SLC25A42: variants seen among roughly 807,000 people sequenced by gnomAD.
SLC25A42 encodes the protein solute carrier family 25 member 42.
In SLC25A42, 19 loss-of-function variants were observed where a neutral mutation model predicts 34.7. The observed-to-expected ratio is 0.55, with a 90% CI of 0.38 to 0.80. The LOEUF (loss-of-function observed/expected upper bound fraction) is 0.80, where lower values mean the gene tolerates loss of function less well. Among genes scored for constraint, SLC25A42 ranks in the 30% least tolerant of loss-of-function variants. The pLI is 0.00. For synonymous variants in SLC25A42, 205 were observed against 191.2 expected, an observed-to-expected ratio of 1.07 and a Z score of -0.59; for missense variants, 364 against 441.3, an observed-to-expected ratio of 0.82 and a Z score of 1.57.
chr19:19,111,526 C>G lies in SLC25A42; in HGVS notation c.*650C>G, dbSNP rs2059865124. 1 of 153,210 alleles carries G rather than the reference C, an allele frequency of 6.5e-6. No individual in the cohort carries two copies. The highest frequency in any genetic ancestry group is 2.4e-5 in the African/African-American group (1 of 41,470). 9.5% of individuals were successfully genotyped at this position (153,210 alleles called of 1,614,324 possible). On this transcript the variant is annotated 3_prime_UTR_variant, in exon 8 of 8. Coordinates refer to ENST00000318596, the MANE Select transcript of SLC25A42 (RefSeq NM_178526.5). Reference sequence around the variant, plus strand: ...TGTCTATCCTAGACCCTGCAAGCAGCTGGGTCCCCAAGAGTGCATCTCCCC... The same window carrying G: ...TGTCTATCCTAGACCCTGCAAGCAGGTGGGTCCCCAAGAGTGCATCTCCCC...
chr19:19,102,612 C>T (rs1395000009), intron 3 of SLC25A42, among the ~76,000 whole-genome samples: 2 of 151,910 alleles, frequency 1.3e-5, no homozygotes, highest in Non-Finnish European at 2.9e-5. Context: ...GACATGGTGG[C>T]GGGCACCTGC....
At chr19:19,089,877 A>AAAACAAAAACAC (rs908735010) in intron 1 of SLC25A42, among the ~76,000 whole-genome samples, 2 of 152,130 alleles carry the variant, frequency 1.3e-5, no homozygotes, top group Non-Finnish European at 2.9e-5. Flanking sequence ...TCAAAAAACA[A>AAAACAAAAACAC]AAACAAAAAA....
intron 2 of SLC25A42, 49 bp downstream of exon 2, chr19:19,096,254 T>TGGGGGCCCCCCCCCCC: frequency 2.1e-6 from 3 of 1,456,702 alleles, no homozygotes; most frequent in Non-Finnish European, 1.9e-6. Flanking sequence ...GGCCCCAGCC[T>TGGGGGCCCCCCCCCCC]CCCCACCCCC....
In SLC25A42 at chr19:19,110,550, C is replaced by G; in HGVS notation, c.650-19C>G. The stretch of plus-strand genomic sequence containing the variant: ...CCCCTCGCGGCGCCTTCACGGCCCT[C>G]CCGCCCCTCGCCCTGCAGAGTACAG... On this transcript the variant is annotated intron_variant, in intron 7 of 7. Transcript: ENST00000318596. The G allele has an allele frequency of 1.4e-6, 2 of 1,382,210 alleles. No homozygotes were observed. The highest frequency in any genetic ancestry group is 3.3e-5 in the South Asian group (2 of 61,356). The allele number at this position is 1,382,210 out of a possible 1,614,324, so 85.6% of individuals were successfully genotyped here. A position where few individuals can be genotyped will look rare whatever the true frequency, so the allele number is the denominator to read the frequency against.
intron 2 of SLC25A42, 49 bp downstream of exon 2, chr19:19,096,254 T>TGGGGCCCCCCCCCCCCCCCCCCCC: frequency 6.9e-7 from 1 of 1,456,700 alleles, no homozygotes. Context: ...GGCCCCAGCC[T>TGGGGCCCCCCCCCCCCCCCCCCCC]CCCCACCCCC....
chr19:19,110,661 G>T lies in SLC25A42; in HGVS notation c.742G>T (p.Asp248Tyr). The change falls in exon 8 of 8, where the codon GAT (aspartate) becomes TAT (tyrosine). Residue 248 changes from aspartate (D) to tyrosine (Y), a missense_variant. By Grantham distance (160) the Asp-to-Tyr change is radical. Coordinates refer to ENST00000318596, the MANE Select transcript of SLC25A42 (RefSeq NM_178526.5). ...LIGQSASYPLDVVRRRMQTAG... is the reference protein window; with the variant it reads ...LIGQSASYPLYVVRRRMQTAG... Reference sequence around the variant, plus strand: ...CGGGCAGTCGGCCTCGTACCCGCTGGATGTGGTGCGGCGGCGCATGCAGAC... The same window carrying T: ...CGGGCAGTCGGCCTCGTACCCGCTGTATGTGGTGCGGCGGCGCATGCAGAC... 6.4e-7 allele frequency: 1 copy of T among 1,559,574 alleles called. No homozygotes were observed.
intron 2 of SLC25A42, among the ~76,000 whole-genome samples, chr19:19,099,531 G>A (rs2059783443): frequency 6.6e-6 from 1 of 152,092 alleles, no homozygotes. Context: ...CAGGCCAAGT[G>A]TGTGGACAGA....
intron 1 of SLC25A42, among the ~76,000 whole-genome samples, chr19:19,073,435 G>C (rs935964697): frequency 4.6e-5 from 7 of 152,226 alleles, no homozygotes; most frequent in African/African-American, 1.7e-4. Flanking sequence ...GAAGGATGCA[G>C]AGAAGTTTGC....
chr19:19,065,061 C>G (rs2059594266), intron 1 of SLC25A42, among the ~76,000 whole-genome samples: 1 of 152,162 alleles, frequency 6.6e-6, no homozygotes, highest in South Asian at 2.1e-4. Flanking sequence ...GGACCCACCG[C>G]GTTTGGGCCC....
chr19:19,082,351 C>T (rs766348394), intron 1 of SLC25A42, among the ~76,000 whole-genome samples: 7 of 152,254 alleles, frequency 4.6e-5, no homozygotes, highest in African/African-American at 1.4e-4. Context: ...AGTTCTCCTG[C>T]GTCTATCTTT....
rs200500398 is a variant in SLC25A42, at chr19:19,105,593, C to T, written c.246C>T (p.Leu82=). 7 of 1,614,024 alleles carry T rather than the reference C, an allele frequency of 4.3e-6. No individual in the cohort carries two copies. The East Asian group carries it at 1.3e-4, about 31-fold the overall frequency. The stretch of plus-strand genomic sequence containing the variant: ...TCCGGGTCCTCTACTACACCTACCT[C>T]AACGAGGGATTTCTCAGCTTGTGGC... The part of the protein sequence containing the change: ...EAFRVLYYTY[L]NEGFLSLWRG... The change falls in exon 5 of 8, where the codon CTC becomes CTT. Residue 82 remains leucine (L), a synonymous_variant. Transcript: ENST00000318596.
At chr19:19,070,151 G>A (rs1307755367) in intron 1 of SLC25A42, among the ~76,000 whole-genome samples, 2 of 149,654 alleles carry the variant, frequency 1.3e-5, no homozygotes, top group African/African-American at 4.9e-5. Context: ...CCGCCACCAC[G>A]CCCGGCTAAT....
intron 1 of SLC25A42, among the ~76,000 whole-genome samples, chr19:19,078,666 A>C (rs778607360): frequency 6.6e-6 from 1 of 152,166 alleles, no homozygotes; most frequent in Non-Finnish European, 1.5e-5. Flanking sequence ...CCTAGTAGGG[A>C]GGGAAGGATC....
In SLC25A42 at chr19:19,096,112, G is replaced by A. The variant is rs745805357; in HGVS notation, c.-13G>A. Reference sequence around the variant, plus strand: ...CCAGGACCGAGTCTCCTGCCATTCCGAGCAGGCCTGGTATGGGTAATGGTG... The same window carrying A: ...CCAGGACCGAGTCTCCTGCCATTCCAAGCAGGCCTGGTATGGGTAATGGTG... On this transcript the variant is annotated 5_prime_UTR_variant, in exon 2 of 8. Coordinates refer to ENST00000318596, the MANE Select transcript of SLC25A42 (RefSeq NM_178526.5). 7 of 1,613,040 alleles carry A rather than the reference G, an allele frequency of 4.3e-6. No individual in the cohort carries two copies. Among genetic ancestry groups the A allele is most frequent in the South Asian group, 1.1e-5 (1 of 91,020 alleles).
chr19:19,091,109 C>A (rs2059736098), intron 1 of SLC25A42, among the ~76,000 whole-genome samples: 1 of 152,210 alleles, frequency 6.6e-6, no homozygotes, highest in Non-Finnish European at 1.5e-5. Context: ...GCGGTCTGTC[C>A]TACCCAGTTC....
intron 5 of SLC25A42, chr19:19,105,950 G>A (rs1303211953): frequency 2.5e-5 from 14 of 560,892 alleles, no homozygotes; most frequent in Non-Finnish European, 3.8e-5. Flanking sequence ...TCCTTTGCCC[G>A]TTTGTCTCCA....
In SLC25A42 at chr19:19,081,445, G is replaced by A. The variant is rs192336470; in HGVS notation, c.-34-14646G>A. ...ATGTTTCATGTTTTGTCCTCATAGC[G>A]TCCCTGGCAGTGTCATGGGACACTC... is the stretch of plus-strand genomic sequence containing the variant. On this transcript the variant is annotated intron_variant, in intron 1 of 7. Coordinates refer to ENST00000318596, the MANE Select transcript of SLC25A42 (RefSeq NM_178526.5). The surrounding 1 kb of genome is among the most constrained non-coding windows in gnomAD (Gnocchi z 4.5). 9.9e-4 allele frequency among the ~76,000 whole-genome samples: 150 copies of A among 152,248 alleles called. No individual in the cohort carries two copies. Among genetic ancestry groups the A allele is most frequent in the Non-Finnish European group, 1.7e-3 (114 of 68,016 alleles).
At position 19,106,279 on chromosome 19, in the gene SLC25A42, C is replaced by G. The variant is rs199634097; in HGVS notation, c.391C>G (p.Pro131Ala). The G allele has an allele frequency of 3.7e-4, 603 of 1,611,948 alleles. 5 individuals carry two copies. The Admixed American group carries it at 9.5e-3, about 25-fold the overall frequency. The change falls in exon 6 of 8, where the codon CCT becomes GCT. Residue 131 changes from proline (P) to alanine (A), a missense_variant. Coordinates refer to ENST00000318596, the MANE Select transcript of SLC25A42 (RefSeq NM_178526.5). ...TCCTGCCCTGTTCAGAGCCCTGCCC[C>G]CTTGGCCTCGCCTCTTCGCCGGCGC... ...YYGFRGEALP[P>A]WPRLFAGALA...
At chr19:19,068,205 A>C (rs2059611811) in intron 1 of SLC25A42, among the ~76,000 whole-genome samples, 1 of 151,876 alleles carries the variant, frequency 6.6e-6, no homozygotes, top group East Asian at 1.9e-4. Flanking sequence ...GAATACAAAA[A>C]TTAGCCAGGC....
Sources: gnomAD v4.1 joint callset for allele counts (sites outside exome capture counted in the v4.1 genomes callset) on GRCh38, gnomAD v4.1.1 for gene constraint, Gnocchi (gnomAD v3.1) non-coding constraint, MANE v1.5 for transcripts, NCBI Gene and HGNC (gene_info 2026-07-23, HGNC 2026-07-21) for gene names.